Variants in KAZN observed in about 807,000 individuals in gnomAD.
KAZN encodes kazrin.
Under a neutral mutation model 87.4 loss-of-function variants are expected in KAZN, and 40 were observed. The ratio of observed to expected loss-of-function variants is 0.46; its 90% CI spans 0.36 to 0.60. The LOEUF (loss-of-function observed/expected upper bound fraction) is 0.60. Among genes scored for constraint, KAZN ranks in the 20% least tolerant of loss-of-function variants. The pLI is 0.00. For synonymous variants in KAZN, 466 were observed against 458.3 expected (o/e 1.02, Z -0.22); for missense variants, 898 against 1,073.9 (o/e 0.84, Z 2.29).
chr1:14,949,012 A>G lies in KAZN; in HGVS notation c.227-11672A>G, dbSNP rs1662154371. ...TCTCTACAAAAAATACAAACATTAG[A>G]AGGGCGTTGTAGCACATGCCTGTAA... On this transcript the variant is annotated intron_variant, in intron 1 of 14. Coordinates refer to ENST00000376030, the MANE Select transcript of KAZN (RefSeq NM_201628.3). This position sits in a 1 kb window ranked among gnomAD's most constrained non-coding sequence, Gnocchi z 4.3. Among the ~76,000 whole-genome samples the G allele has an allele frequency of 6.6e-6, 1 of 151,892 alleles. No homozygotes were observed. The highest frequency in any genetic ancestry group is 2.4e-5 in the African/African-American group (1 of 41,300).
At chr1:14,716,975 C>T (rs983612901) in intron 1 of KAZN, among the ~76,000 whole-genome samples, 83 of 151,748 alleles carry the variant, frequency 5.5e-4, no homozygotes, top group African/African-American at 1.9e-3. Context: ...ACAGCAGTCC[C>T]GCCCTCTGGA....
intron 1 of KAZN, among the ~76,000 whole-genome samples, chr1:14,775,379 G>A (rs980076759): frequency 6.6e-6 from 1 of 152,252 alleles, no homozygotes; most frequent in Non-Finnish European, 1.5e-5. Flanking sequence ...TCCCCTGGAG[G>A]AAATAAATGC....
chr1:14,773,466 G>A lies in KAZN; in HGVS notation c.226+174243G>A, dbSNP rs906988801. Among the ~76,000 whole-genome samples the A allele has an allele frequency of 1.7e-4, 26 of 152,114 alleles. 1 individual carries two copies. The highest frequency in any genetic ancestry group is 1.5e-3 in the Admixed American group (23 of 15,272). On this transcript the variant is annotated intron_variant, in intron 1 of 14. Coordinates refer to ENST00000376030, the MANE Select transcript of KAZN (RefSeq NM_201628.3). The surrounding 1 kb of genome is among the most constrained non-coding windows in gnomAD (Gnocchi z 5.9). The stretch of plus-strand genomic sequence containing the variant: ...TCAACTCTGCACTAAGGTGTGAAAC[G>A]TAAACACCCCCGAGGGAGGAAGGCC...
intron 1 of KAZN, among the ~76,000 whole-genome samples, chr1:14,857,190 C>T (rs1650224830): frequency 6.6e-6 from 1 of 152,144 alleles, no homozygotes; most frequent in Non-Finnish European, 1.5e-5. Flanking sequence ...ATACTTCTTT[C>T]AGAGGGTATG....
intron 2 of KAZN, among the ~76,000 whole-genome samples, chr1:15,005,702 C>T (rs1480547452): frequency 1.3e-5 from 2 of 151,808 alleles, no homozygotes; most frequent in Non-Finnish European, 1.5e-5. Context: ...GCAGGAAGAT[C>T]GCTTGAACCT....
intron 2 of KAZN, among the ~76,000 whole-genome samples, chr1:14,395,499 G>GAGGGCT (rs1389504613): frequency 3.3e-5 from 5 of 152,186 alleles, no homozygotes; most frequent in African/African-American, 1.2e-4. Context: ...GAATCACGGA[G>GAGGGCT]AGGGCTGTGG....
chr1:14,975,875 C>CA (rs918513801), intron 2 of KAZN, among the ~76,000 whole-genome samples: 5 of 151,954 alleles, frequency 3.3e-5, no homozygotes, highest in African/African-American at 1.2e-4. Flanking sequence ...ACTAAAAATA[C>CA]AAAAAAATTA....
intron 2 of KAZN, among the ~76,000 whole-genome samples, chr1:14,340,430 G>A (rs144036336): frequency 5.3e-5 from 8 of 152,328 alleles, no homozygotes; most frequent in South Asian, 2.1e-4. Flanking sequence ...AGAGATTGAC[G>A]TCACAGACTT....
intron 1 of KAZN, among the ~76,000 whole-genome samples, chr1:14,045,793 A>G (rs1456327481): frequency 6.6e-6 from 1 of 152,212 alleles, no homozygotes; most frequent in Admixed American, 6.5e-5. Context: ...AACTATGATA[A>G]TTGTGTAAAG....
At chr1:14,606,558 GGCAAA>G (rs1283981187) in intron 1 of KAZN, among the ~76,000 whole-genome samples, 2 of 152,060 alleles carry the variant, frequency 1.3e-5, no homozygotes, top group African/African-American at 4.8e-5. Flanking sequence ...GATGAGTCCA[GGCAAA>G]GCCAGAGTCT....
At chr1:14,514,047 G>T (rs562403998) in intron 2 of KAZN, among the ~76,000 whole-genome samples, 2 of 151,416 alleles carry the variant, frequency 1.3e-5, no homozygotes, top group South Asian at 4.2e-4. Flanking sequence ...TAGGCCGGGC[G>T]TGGTGGCTCA....
chr1:14,050,077 C>T lies in KAZN; in HGVS notation c.92-130358C>T, dbSNP rs1385092368. ...TGGGTGTGTGGGGGCATGCATTGCA[C>T]ATGCCTGTGTACATGTGTGCATGTA... On this transcript the variant is annotated intron_variant, in intron 1 of 16. Transcript: ENST00000636203. 2.7e-5 allele frequency among the ~76,000 whole-genome samples: 4 copies of T among 150,830 alleles called. No homozygotes were observed. In the Middle Eastern group the frequency reaches 0.01, roughly 390 times the overall value.
chr1:15,021,523 T>G lies in KAZN; in HGVS notation c.419-13226T>G, dbSNP rs999055013. On this transcript the variant is annotated intron_variant, in intron 2 of 14. Transcript: ENST00000376030. The surrounding 1 kb of genome is among the most constrained non-coding windows in gnomAD (Gnocchi z 4.2). ...CCCATTTCCCTCCTGCTGGTATACCTTGGCCTCCTGTCTCCCTCGGGGAGG... is the reference window on the plus strand; with the variant it reads ...CCCATTTCCCTCCTGCTGGTATACCGTGGCCTCCTGTCTCCCTCGGGGAGG... Among the ~76,000 whole-genome samples, 1 of 152,202 alleles carries G rather than the reference T, an allele frequency of 6.6e-6. No individual in the cohort carries two copies. Among genetic ancestry groups the G allele is most frequent in the Non-Finnish European group, 1.5e-5 (1 of 68,024 alleles).
At chr1:14,372,299 G>A (rs1221960708) in intron 2 of KAZN, among the ~76,000 whole-genome samples, 3 of 152,134 alleles carry the variant, frequency 2.0e-5, no homozygotes, top group Admixed American at 1.3e-4. Flanking sequence ...CTCTATAATT[G>A]CCAAAGAATG....
At chr1:14,763,579 A>G (rs1644803153) in intron 1 of KAZN, among the ~76,000 whole-genome samples, 1 of 152,180 alleles carries the variant, frequency 6.6e-6, no homozygotes, top group Non-Finnish European at 1.5e-5. Flanking sequence ...AATTGCAGTG[A>G]GCTCGGAATG....
rs529936331 is a variant in KAZN at position 13,954,996 on chromosome 1, C to T, written c.91+61240C>T. ...TTTTTTTGTTGCAAATTTGACTCCT[C>T]GAAAGTAACATTTTCACTTTGACTG... is the stretch of plus-strand genomic sequence containing the variant. On this transcript the variant is annotated intron_variant, in intron 1 of 16. Transcript: ENST00000636203. Among the ~76,000 whole-genome samples, 14 of 152,200 alleles carry T rather than the reference C, an allele frequency of 9.2e-5. No homozygotes were observed. In the South Asian group the frequency reaches 1.2e-3, roughly 14 times the overall value.
intron 1 of KAZN, among the ~76,000 whole-genome samples, chr1:14,024,680 C>A (rs143447876): frequency 2.6e-4 from 39 of 152,228 alleles, no homozygotes; most frequent in African/African-American, 9.1e-4. Flanking sequence ...GATTCAGATC[C>A]AAGCTGGTAG....
At chr1:14,946,338 CTCTCT>C (rs1344614958) in intron 1 of KAZN, among the ~76,000 whole-genome samples, 3 of 128,302 alleles carry the variant, frequency 2.3e-5, no homozygotes, top group African/African-American at 1.2e-4. Context: ...TTTTTTAATT[CTCTCT>C]TTTTTTTTTT....
chr1:15,007,641 T>C (rs1294484575), intron 2 of KAZN, among the ~76,000 whole-genome samples: 1 of 152,188 alleles, frequency 6.6e-6, no homozygotes, highest in Non-Finnish European at 1.5e-5. Flanking sequence ...CTCCCCTTCC[T>C]TCCCTTCCTG....
Sources: gnomAD v4.1 joint callset for allele counts (sites outside exome capture counted in the v4.1 genomes callset) on GRCh38, gnomAD v4.1.1 for gene constraint, Gnocchi (gnomAD v3.1) non-coding constraint, MANE v1.5 for transcripts, NCBI Gene and HGNC (gene_info 2026-07-23, HGNC 2026-07-21) for gene names.